IRS2: variants seen among roughly 807,000 people sequenced by gnomAD.
The protein encoded by IRS2 is insulin receptor substrate 2.
Under a neutral mutation model 70.9 loss-of-function variants are expected in IRS2, and 28 were observed. The observed-to-expected ratio is 0.39, with a 90% CI of 0.29 to 0.54. The LOEUF (loss-of-function observed/expected upper bound fraction) is 0.54. IRS2 is among the 20% of genes least tolerant of loss of function. The pLI is 0.59. For missense variants in IRS2, 2,081 were observed against 2,024.1 expected (o/e 1.03, Z -0.54); for synonymous variants, 1,217 against 981.9 (o/e 1.24, Z -4.48).
At chr13:109,761,044 C>A (rs760922836) in intron 1 of IRS2, among the ~76,000 whole-genome samples, 17 of 152,254 alleles carry the variant, frequency 1.1e-4, no homozygotes, top group Non-Finnish European at 2.5e-4. Context: ...TTTCTCCTGA[C>A]AATTTGGGTT....
chr13:109,763,497 C>G (rs1877271769), intron 1 of IRS2, among the ~76,000 whole-genome samples: 2 of 152,228 alleles, frequency 1.3e-5, no homozygotes, highest in Admixed American at 1.3e-4. Context: ...ACATCCTACA[C>G]TAGCATTCTT....
chr13:109,773,564 T>A (rs1051634645), intron 1 of IRS2, among the ~76,000 whole-genome samples: 5 of 152,150 alleles, frequency 3.3e-5, no homozygotes, highest in Non-Finnish European at 7.4e-5. Context: ...TCACTGGGGG[T>A]CTTCATGAAA....
chr13:109,777,043 A>C (rs1227781975), intron 1 of IRS2, among the ~76,000 whole-genome samples: 3 of 152,232 alleles, frequency 2.0e-5, no homozygotes, highest in Non-Finnish European at 4.4e-5. Context: ...AGAAATATAC[A>C]TTCTGCTGTC....
chr13:109,784,160 A>G lies in IRS2; in HGVS notation c.1894T>C (p.Tyr632His), dbSNP rs2138934963. 1.9e-6 allele frequency: 3 copies of G among 1,590,330 alleles called. No individual in the cohort carries two copies. The highest frequency in any genetic ancestry group is 1.1e-5 in the South Asian group (1 of 89,436). Residue 632 changes from tyrosine (Y) to histidine (H), a missense_variant, in exon 1 of 2, where the codon TAC becomes CAC. By Grantham distance (83) the Tyr-to-His change is moderately conservative. Around this residue, in one of 4 missense-constraint regions of IRS2, gnomAD observed 1,615 missense variants for 1,459.5 expected, o/e 1.11. Coordinates refer to ENST00000375856, the MANE Select transcript of IRS2 (RefSeq NM_003749.3). The surrounding 1 kb of genome is among the most constrained non-coding windows in gnomAD (Gnocchi z 5.2). ...TGGGAGCCGATCTCGATGTCTCCGT[A>G]GTCCTCTGGGTAGGGGTGGTAGGCC... ...KVAYHPYPED[Y>H]GDIEIGSHRS...
Position 109,755,135 on chromosome 13 carries a change from G to A in IRS2, c.*1169C>T, listed in dbSNP as rs1251841559. The A allele has an allele frequency of 1.7e-5, 4 of 231,922 alleles. No individual in the cohort carries two copies. Among genetic ancestry groups the A allele is most frequent in the South Asian group, 1.8e-4 (1 of 5,518 alleles). 14.4% of individuals were successfully genotyped at this position (231,922 alleles called of 1,614,324 possible). A position where few individuals can be genotyped will look rare whatever the true frequency, so the allele number is the denominator to read the frequency against. On this transcript the variant is annotated 3_prime_UTR_variant, in exon 2 of 2. Transcript: ENST00000375856. ...TTTTTCGACAAGTAACATGTACTGC[G>A]AGATTGCTTTTCTTCTTTTTCTTTT... is the stretch of plus-strand genomic sequence containing the variant.
At position 109,783,082 on chromosome 13, in the gene IRS2, G is replaced by A. The variant is rs776062794; in HGVS notation, c.2972C>T (p.Pro991Leu). ...CACGGGGTGGCCGCTCGGGGCGCCC[G>A]GCTTAGGAGACTTGGGGGAGCTGAA... ...LDFSSPKSPK[P>L]GAPSGHPVGS... The change falls in exon 1 of 2, where the codon CCG (proline) becomes CTG (leucine). Residue 991 changes from proline to leucine, a missense_variant. Pro to Leu is a moderately conservative substitution (Grantham distance 98). Transcript: ENST00000375856. The A allele has an allele frequency of 5.8e-6, 8 of 1,384,260 alleles. No individual in the cohort carries two copies. Among genetic ancestry groups the A allele is most frequent in the South Asian group, 1.7e-5 (1 of 58,858 alleles). 85.7% of individuals were successfully genotyped at this position (1,384,260 alleles called of 1,614,324 possible).
chr13:109,783,891 C>T lies in IRS2; in HGVS notation c.2163G>A (p.Pro721=), dbSNP rs749636737. The T allele has an allele frequency of 6.5e-7, 1 of 1,547,348 alleles. No individual in the cohort carries two copies. The highest frequency in any genetic ancestry group is 1.2e-5 in the South Asian group (1 of 84,184). ...APTSAAGRTF[P]ASGGGYKASS... ...TGGCCTTGTAGCCGCCCCCGCTCGC[C>T]GGGAATGTCCTGCCCGCCGCAGAGG... Residue 721 remains proline, a synonymous_variant, in exon 1 of 2, where the codon CCG becomes CCA. Coordinates refer to ENST00000375856, the MANE Select transcript of IRS2 (RefSeq NM_003749.3).
In IRS2 at chr13:109,783,836, T is replaced by C. The variant is rs763521201; in HGVS notation, c.2218A>G (p.Ser740Gly). 30 of 1,579,336 alleles carry C rather than the reference T, an allele frequency of 1.9e-5. No individual in the cohort carries two copies. Among genetic ancestry groups the C allele is most frequent in the Non-Finnish European group, 2.2e-5 (26 of 1,163,020 alleles). Residue 740 changes from serine (S) to glycine (G), a missense_variant, in exon 1 of 2, where the codon AGT becomes GGT. Around this residue, in one of 4 missense-constraint regions of IRS2, gnomAD observed 1,615 missense variants for 1,459.5 expected, o/e 1.11. Transcript: ENST00000375856. ...CCGCACCACATGCGCATGTACCCAC[T>C]GTCCTCGGGGGAGCTCTCGGCGGGC... is the stretch of plus-strand genomic sequence containing the variant. ...SSPAESSPED[S>G]GYMRMWCGSK... is the part of the protein sequence containing the mutation.
In IRS2 at chr13:109,753,833, T is replaced by C; in HGVS notation, c.*2471A>G. On this transcript the variant is annotated 3_prime_UTR_variant, in exon 2 of 2. Transcript: ENST00000375856. ...TTCGTACAGAAAAAATCTTCAGGAC[T>C]GTATTCATTTCATAAATAATGTACT... 1 of 218,346 alleles carries C rather than the reference T, an allele frequency of 4.6e-6. No homozygotes were observed. 13.5% of individuals were successfully genotyped at this position (218,346 alleles called of 1,614,324 possible).
In IRS2 at chr13:109,784,028, T is replaced by G; in HGVS notation, c.2026A>C (p.Met676Leu). 1.3e-6 allele frequency: 2 copies of G among 1,539,564 alleles called. No individual in the cohort carries two copies. The highest frequency in any genetic ancestry group is 1.7e-6 in the Non-Finnish European group (2 of 1,147,860). Reference sequence around the variant, plus strand: ...GACACGCTGGCGGGGCTCATGGGCATGTAGTCGTCGCTCCTGCAGCTGCCG... The same window carrying G: ...GACACGCTGGCGGGGCTCATGGGCAGGTAGTCGTCGCTCCTGCAGCTGCCG... The part of the protein sequence containing the change: ...GSGSCRSDDY[M>L]PMSPASVSAP... Residue 676 changes from methionine to leucine, a missense_variant, in exon 1 of 2, where the codon ATG (methionine) becomes CTG (leucine). By Grantham distance (15) the Met-to-Leu change is conservative. Coordinates refer to ENST00000375856, the MANE Select transcript of IRS2 (RefSeq NM_003749.3). This position sits in a 1 kb window ranked among gnomAD's most constrained non-coding sequence, Gnocchi z 5.2.
intron 1 of IRS2, among the ~76,000 whole-genome samples, chr13:109,762,043 C>T (rs1008183199): frequency 1.9e-4 from 29 of 152,324 alleles, no homozygotes; most frequent in African/African-American, 6.5e-4. Context: ...CTTTTACCTA[C>T]TGCACTTCCA....
At position 109,773,969 on chromosome 13, in the gene IRS2, G is replaced by C. The variant is rs569450983; in HGVS notation, c.4012+8073C>G. Among the ~76,000 whole-genome samples the C allele has an allele frequency of 1.2e-4, 19 of 152,258 alleles. No homozygotes were observed. The South Asian group carries it at 3.7e-3, about 30-fold the overall frequency. On this transcript the variant is annotated intron_variant, in intron 1 of 1. Coordinates refer to ENST00000375856, the MANE Select transcript of IRS2 (RefSeq NM_003749.3). ...TCTACAAACAACTCTACCACTAATTGAATCAGTGACCTTGACTAAGACTCC... is the reference window on the plus strand; with the variant it reads ...TCTACAAACAACTCTACCACTAATTCAATCAGTGACCTTGACTAAGACTCC...
At chr13:109,759,706 T>C (rs1877187369) in intron 1 of IRS2, among the ~76,000 whole-genome samples, 1 of 152,100 alleles carries the variant, frequency 6.6e-6, no homozygotes. Context: ...ACACATACTA[T>C]TAAAGGCCCC....
At position 109,783,203 on chromosome 13, in the gene IRS2, C is replaced by T. The variant is rs746157298; in HGVS notation, c.2851G>A (p.Ala951Thr). 5.0e-6 allele frequency: 7 copies of T among 1,407,136 alleles called. No homozygotes were observed. The highest frequency in any genetic ancestry group is 6.5e-6 in the Non-Finnish European group (7 of 1,084,686). 87.2% of individuals were successfully genotyped at this position (1,407,136 alleles called of 1,614,324 possible). A position where few individuals can be genotyped will look rare whatever the true frequency, so the allele number is the denominator to read the frequency against. The change falls in exon 1 of 2, where the codon GCC (alanine) becomes ACC (threonine). Residue 951 changes from alanine (A) to threonine (T), a missense_variant. Transcript: ENST00000375856. ...CCCAGCGACGAGGCCGGGCTGCTGGCGGACAAGAGCGAGGAGGACGAGGCC... is the reference window on the plus strand; with the variant it reads ...CCCAGCGACGAGGCCGGGCTGCTGGTGGACAAGAGCGAGGAGGACGAGGCC... ...SAASSSSLLS[A>T]SSPASSLGSG...
intron 1 of IRS2, among the ~76,000 whole-genome samples, chr13:109,778,982 G>A (rs1877638487): frequency 6.6e-6 from 1 of 151,952 alleles, no homozygotes; most frequent in South Asian, 2.1e-4. Flanking sequence ...TAACAAATTG[G>A]TTAGAGTTTT....
rs1475073917 is a variant in IRS2, at chr13:109,785,610, C to T, written c.444G>A (p.Ala148=). The change falls in exon 1 of 2, where the codon GCG becomes GCA. Residue 148 remains alanine, a synonymous_variant. Coordinates refer to ENST00000375856, the MANE Select transcript of IRS2 (RefSeq NM_003749.3). The surrounding 1 kb of genome is among the most constrained non-coding windows in gnomAD (Gnocchi z 9.3). ...CGGCGGGGGGCGCGTCTCCGGCGGC[C>T]GCGCGGCCCTCGCTGACCAGGTCGG... ...ALTDLVSEGR[A]AAGDAPPAAA... The T allele has an allele frequency of 1.5e-6, 2 of 1,376,382 alleles. No homozygotes were observed. Among genetic ancestry groups the T allele is most frequent in the East Asian group, 3.1e-5 (1 of 32,498 alleles). The allele number at this position is 1,376,382 out of a possible 1,614,324, so 85.3% of individuals were successfully genotyped here. A position where few individuals can be genotyped will look rare whatever the true frequency, so the allele number is the denominator to read the frequency against.
In IRS2 at chr13:109,756,181, C is replaced by G. The variant is rs1240528678; in HGVS notation, c.*123G>C. 1.8e-5 allele frequency: 15 copies of G among 854,808 alleles called. No individual in the cohort carries two copies. Among genetic ancestry groups the G allele is most frequent in the Non-Finnish European group, 2.8e-5 (14 of 500,894 alleles). The allele number at this position is 854,808 out of a possible 1,614,324, so 53.0% of individuals were successfully genotyped here. A position where few individuals can be genotyped will look rare whatever the true frequency, so the allele number is the denominator to read the frequency against. The stretch of plus-strand genomic sequence containing the variant: ...AACAGAGTCCACAGATGTTTCCAAA[C>G]ACAGTCATTGCTCAGATCCAAAAGA... On this transcript the variant is annotated 3_prime_UTR_variant, in exon 2 of 2. Coordinates refer to ENST00000375856, the MANE Select transcript of IRS2 (RefSeq NM_003749.3).
rs1251879986 is a variant in IRS2, at chr13:109,785,799, C to A, written c.255G>T (p.Lys85Asn). 10 of 1,573,206 alleles carry A rather than the reference C, an allele frequency of 6.4e-6. No individual in the cohort carries two copies. Among genetic ancestry groups the A allele is most frequent in the Non-Finnish European group, 8.6e-6 (10 of 1,167,146 alleles). Residue 85 changes from lysine to asparagine, a missense_variant, in exon 1 of 2, where the codon AAG becomes AAT. Lys to Asn is a moderately conservative substitution (Grantham distance 94). This residue lies in a region of IRS2 where 320 missense variants were observed against 352.9 expected (regional missense o/e 0.91). Coordinates refer to ENST00000375856, the MANE Select transcript of IRS2 (RefSeq NM_003749.3). The surrounding 1 kb of genome is among the most constrained non-coding windows in gnomAD (Gnocchi z 9.3). ...YYESEKKWRS[K>N]AGAPKRVIAL... Reference sequence around the variant, plus strand: ...CGATCACCCGTTTCGGCGCGCCTGCCTTGCTCCGCCACTTTTTCTCGCTCT... The same window carrying A: ...CGATCACCCGTTTCGGCGCGCCTGCATTGCTCCGCCACTTTTTCTCGCTCT...
chr13:109,767,009 A>G (rs376025981), intron 1 of IRS2, among the ~76,000 whole-genome samples: 4 of 152,350 alleles, frequency 2.6e-5, no homozygotes, highest in Non-Finnish European at 5.9e-5. Flanking sequence ...ACATTTTCCA[A>G]TGCTCATGGG....
Sources: gnomAD v4.1 joint callset for allele counts (sites outside exome capture counted in the v4.1 genomes callset) on GRCh38, gnomAD v4.1.1 for gene constraint, gnomAD v4.1.1 regional missense constraint, Gnocchi (gnomAD v3.1) non-coding constraint, MANE v1.5 for transcripts, NCBI Gene and HGNC (gene_info 2026-07-23, HGNC 2026-07-21) for gene names.